CNTN4: variants seen among roughly 807,000 people sequenced by gnomAD.
CNTN4 encodes contactin 4, also known as contactin-4.
A neutral mutation model predicts 122.5 loss-of-function variants in CNTN4; 77 were observed. The ratio of observed to expected loss-of-function variants is 0.63; its 90% CI spans 0.52 to 0.76. CNTN4 has a LOEUF of 0.76. CNTN4 is among the 30% of genes least tolerant of loss of function. The pLI is 0.00. For missense variants in CNTN4, 1,256 were observed against 1,259.1 expected (o/e 1.00, Z 0.04); for synonymous variants, 512 against 447.0 (o/e 1.15, Z -1.83).
chr3:2,300,680 C>G (rs964068977), intron 2 of CNTN4, among the ~76,000 whole-genome samples: 4 of 144,794 alleles, frequency 2.8e-5, no homozygotes, highest in African/African-American at 1.0e-4. Flanking sequence ...CAAGCGATTT[C>G]CCTGCCTCAG....
chr3:2,255,825 C>A (rs527835987), intron 2 of CNTN4, among the ~76,000 whole-genome samples: 20 of 152,222 alleles, frequency 1.3e-4, no homozygotes, highest in African/African-American at 3.6e-4. Flanking sequence ...TAAGTGCCTG[C>A]AAGAGAAAAC....
At chr3:2,461,518 C>T (rs1018504298) in intron 3 of CNTN4, among the ~76,000 whole-genome samples, 3 of 152,142 alleles carry the variant, frequency 2.0e-5, no homozygotes, top group African/African-American at 7.2e-5. Flanking sequence ...AGATCCAGGG[C>T]TCCCACCCAC....
rs1272500739 is a variant in CNTN4 at position 2,961,197 on chromosome 3, T to C, written c.1359-27148T>C. ...GTGAGCCGAGATTGGACCACTGCACTCCAGCCTGGGCGACAGAACGAGACT... is the reference window on the plus strand; with the variant it reads ...GTGAGCCGAGATTGGACCACTGCACCCCAGCCTGGGCGACAGAACGAGACT... On this transcript the variant is annotated intron_variant, in intron 13 of 24. Coordinates refer to ENST00000418658, the MANE Select transcript of CNTN4 (RefSeq NM_175607.3). 2.8e-4 allele frequency among the ~76,000 whole-genome samples: 32 copies of C among 115,614 alleles called. 2 individuals carry two copies. The highest frequency in any genetic ancestry group is 1.0e-3 in the African/African-American group (30 of 29,708). The allele number at this position is 115,614 out of a possible 152,430, so 75.8% of individuals were successfully genotyped here.
intron 3 of CNTN4, among the ~76,000 whole-genome samples, chr3:2,374,010 T>C (rs963933487): frequency 1.3e-5 from 2 of 152,176 alleles, no homozygotes; most frequent in Admixed American, 6.5e-5. Flanking sequence ...AATAATGATT[T>C]CTTTGTTAGG....
intron 3 of CNTN4, among the ~76,000 whole-genome samples, chr3:2,393,139 T>C (rs1048006916): frequency 6.6e-6 from 1 of 152,194 alleles, no homozygotes; most frequent in Non-Finnish European, 1.5e-5. Context: ...TGGAATTTCC[T>C]TGGGTTACAG....
intron 6 of CNTN4, among the ~76,000 whole-genome samples, chr3:2,747,310 G>T (rs1484186952): frequency 6.6e-6 from 1 of 151,688 alleles, no homozygotes; most frequent in African/African-American, 2.4e-5. Context: ...TCGGGAGGCT[G>T]AGGCAGGAGA....
chr3:2,285,509 T>C (rs1217901625), intron 2 of CNTN4, among the ~76,000 whole-genome samples: 1 of 152,102 alleles, frequency 6.6e-6, no homozygotes, highest in Non-Finnish European at 1.5e-5. Flanking sequence ...ATTTTTTACT[T>C]CTTATATTTA....
chr3:2,636,811 C>T (rs1176096457), intron 4 of CNTN4, among the ~76,000 whole-genome samples: 1 of 151,908 alleles, frequency 6.6e-6, no homozygotes, highest in Non-Finnish European at 1.5e-5. Flanking sequence ...ATCTCAAAGG[C>T]AGTGGCTTTA....
chr3:2,383,919 G>A (rs2046132346), intron 3 of CNTN4, among the ~76,000 whole-genome samples: 1 of 152,022 alleles, frequency 6.6e-6, no homozygotes. Context: ...AAAATTATAA[G>A]TCAAACCATT....
At chr3:2,902,829 T>C in intron 11 of CNTN4, 47 bp from the exon 12 acceptor site, 1 of 1,593,536 alleles carries the variant, frequency 6.3e-7, no homozygotes, top group Non-Finnish European at 8.6e-7. Flanking sequence ...CCTTAAAGTC[T>C]CAGTTGTAGA....
chr3:2,189,556 T>C (rs2037429007), intron 2 of CNTN4, among the ~76,000 whole-genome samples: 1 of 152,076 alleles, frequency 6.6e-6, no homozygotes, highest in Non-Finnish European at 1.5e-5. Context: ...TTGAGAGAGA[T>C]TGATACCCTG....
At chr3:2,321,273 G>T (rs1453328913) in intron 2 of CNTN4, among the ~76,000 whole-genome samples, 1 of 152,076 alleles carries the variant, frequency 6.6e-6, no homozygotes, top group Non-Finnish European at 1.5e-5. Context: ...TTCAACTCAG[G>T]AGTCACATAG....
intron 7 of CNTN4, among the ~76,000 whole-genome samples, chr3:2,838,362 C>T (rs2093276806): frequency 6.6e-6 from 1 of 152,052 alleles, no homozygotes; most frequent in Non-Finnish European, 1.5e-5. Context: ...TTGAGTAAGT[C>T]CAAGGGCTCT....
chr3:2,642,249 G>T (rs2082927324), intron 4 of CNTN4, among the ~76,000 whole-genome samples: 1 of 152,202 alleles, frequency 6.6e-6, no homozygotes, highest in Non-Finnish European at 1.5e-5. Flanking sequence ...GAAGAAAGAT[G>T]TAGGGTGGGA....
intron 2 of CNTN4, among the ~76,000 whole-genome samples, chr3:2,115,502 G>C (rs1257832745): frequency 6.6e-6 from 1 of 152,224 alleles, no homozygotes; most frequent in Non-Finnish European, 1.5e-5. Flanking sequence ...TCCACAGCAC[G>C]AGACACACAA....
At chr3:2,409,455 G>C (rs1197183499) in intron 3 of CNTN4, among the ~76,000 whole-genome samples, 1 of 151,916 alleles carries the variant, frequency 6.6e-6, no homozygotes, top group Admixed American at 6.6e-5. Flanking sequence ...CACTGTGTTA[G>C]CCAGGAGGGT....
Position 2,887,565 on chromosome 3 carries a change from C to CT in CNTN4, c.940+352dup, listed in dbSNP as rs199530465. On this transcript the variant is annotated intron_variant, in intron 10 of 24. Coordinates refer to ENST00000418658, the MANE Select transcript of CNTN4 (RefSeq NM_175607.3). ...TTTATTATTCCTACTCCTGATTTAT[C>CT]TTTTTTTTTTTAAGCTCTGTGCTTT... Among the ~76,000 whole-genome samples the CT allele has an allele frequency of 3.7e-3, 543 of 146,986 alleles. 4 individuals carry two copies. The highest frequency in any genetic ancestry group is 5.5e-3 in the African/African-American group (223 of 40,286).
At chr3:2,512,086 A>G (rs1449400932) in intron 3 of CNTN4, among the ~76,000 whole-genome samples, 2 of 152,170 alleles carry the variant, frequency 1.3e-5, no homozygotes, top group Non-Finnish European at 2.9e-5. Context: ...TGTATAAAAG[A>G]AGTGCCTGTA....
intron 3 of CNTN4, among the ~76,000 whole-genome samples, chr3:2,550,780 A>T (rs1575955989): frequency 6.6e-6 from 1 of 152,164 alleles, no homozygotes; most frequent in East Asian, 1.9e-4. Flanking sequence ...ATAAAAAAGG[A>T]TGAGCGTATG....
Sources: gnomAD v4.1 joint callset for allele counts (sites outside exome capture counted in the v4.1 genomes callset) on GRCh38, gnomAD v4.1.1 for gene constraint, MANE v1.5 for transcripts, NCBI Gene and HGNC (gene_info 2026-07-23, HGNC 2026-07-21) for gene names.